Variants in CYB5B observed in about 807,000 individuals in gnomAD.
CYB5B encodes the protein cytochrome b5 type B, also known as cytochrome b5 type B (outer mitochondrial membrane).
CYB5B carries 14 observed loss-of-function variants against 21.3 expected under a neutral mutation model. The ratio of observed to expected loss-of-function variants is 0.66; its 90% CI spans 0.43 to 1.03. The LOEUF is 1.03. Ranked by LOEUF, CYB5B falls within the 50% of genes least tolerant of loss-of-function variation. The pLI is 0.00. For synonymous variants in CYB5B, 69 were observed against 68.4 expected (o/e 1.01, Z -0.04); for missense variants, 166 against 185.1 (o/e 0.90, Z 0.60).
chr16:69,425,485 T>A (rs1231085882), intron 1 of CYB5B, among the ~76,000 whole-genome samples: 1 of 151,158 alleles, frequency 6.6e-6, no homozygotes, highest in Non-Finnish European at 1.5e-5. Flanking sequence ...AATCTTCAAG[T>A]CTGTTGCATT....
At chr16:69,442,655 A>G (rs1421522383) in intron 1 of CYB5B, among the ~76,000 whole-genome samples, 1 of 151,702 alleles carries the variant, frequency 6.6e-6, no homozygotes, top group African/African-American at 2.4e-5. Context: ...AGCCAGGACT[A>G]CAGGCCACCA....
chr16:69,443,372 G>T, intron 1 of CYB5B: 1 of 172,268 alleles, frequency 5.8e-6, no homozygotes, highest in South Asian at 1.4e-4. Flanking sequence ...GGTTTCTGTG[G>T]GCATGGCCAT....
chr16:69,433,669 T>G (rs569249993), intron 1 of CYB5B, among the ~76,000 whole-genome samples: 103 of 152,300 alleles, frequency 6.8e-4, no homozygotes, highest in Non-Finnish European at 1.2e-3. Flanking sequence ...TGAAATCAAA[T>G]GTAGGGACAA....
intron 1 of CYB5B, among the ~76,000 whole-genome samples, chr16:69,435,862 C>T (rs191587177): frequency 0.013 from 1,937 of 152,242 alleles, 10 homozygotes; most frequent in Non-Finnish European, 0.019. Context: ...TGGTCTCAAA[C>T]TCCTGACCTC....
intron 1 of CYB5B, among the ~76,000 whole-genome samples, chr16:69,445,002 G>A (rs1173010435): frequency 6.6e-6 from 1 of 152,192 alleles, no homozygotes; most frequent in Non-Finnish European, 1.5e-5. Context: ...GAAAGTGAAA[G>A]TACTTGTAGA....
At chr16:69,444,059 T>G (rs1346257830) in intron 1 of CYB5B, 1 of 152,410 alleles carries the variant, frequency 6.6e-6, no homozygotes, top group African/African-American at 2.4e-5. Context: ...GGGTTGTTGA[T>G]GTAATATTCT....
At chr16:69,428,165 C>G (rs1597278468) in intron 1 of CYB5B, among the ~76,000 whole-genome samples, 1 of 152,060 alleles carries the variant, frequency 6.6e-6, no homozygotes, top group East Asian at 1.9e-4. Flanking sequence ...TTGTTCATTC[C>G]AAGCCTATTC....
chr16:69,436,649 G>A (rs773088938), intron 1 of CYB5B, among the ~76,000 whole-genome samples: 18 of 152,258 alleles, frequency 1.2e-4, no homozygotes, highest in Non-Finnish European at 2.1e-4. Flanking sequence ...GAGGTAATGT[G>A]TTTGGCTAGA....
intron 1 of CYB5B, among the ~76,000 whole-genome samples, chr16:69,429,466 T>C (rs1021581043): frequency 2.0e-5 from 3 of 152,176 alleles, no homozygotes; most frequent in Non-Finnish European, 4.4e-5. Context: ...TGGTGCATTT[T>C]TACAGCATAC....
In CYB5B at chr16:69,465,611, T is replaced by G. The variant is rs2015081707; in HGVS notation, c.*3091T>G. 1 of 152,240 alleles carries G rather than the reference T, an allele frequency of 6.6e-6. No homozygotes were observed. Among genetic ancestry groups the G allele is most frequent in the African/African-American group, 2.4e-5 (1 of 41,464 alleles). The allele number at this position is 152,240 out of a possible 1,614,324, so 9.4% of individuals were successfully genotyped here. On this transcript the variant is annotated 3_prime_UTR_variant, in exon 5 of 5. Coordinates refer to ENST00000307892, the MANE Select transcript of CYB5B (RefSeq NM_030579.3). ...ACTGTCGAGTTTATACTCATTTAGC[T>G]GCAATGTGGGACAATGAAAAATGCT...
intron 3 of CYB5B, 120 bp downstream of exon 3, chr16:69,448,264 A>G: frequency 8.2e-7 from 1 of 1,223,592 alleles, no homozygotes. Context: ...CCCAAGCAAA[A>G]ATCCTATTTT....
At chr16:69,453,224 T>C (rs936189991) in intron 3 of CYB5B, among the ~76,000 whole-genome samples, 3 of 152,146 alleles carry the variant, frequency 2.0e-5, no homozygotes, top group African/African-American at 7.2e-5. Context: ...GTCTATTAAT[T>C]GCATTTAAAG....
intron 3 of CYB5B, among the ~76,000 whole-genome samples, chr16:69,455,668 G>A (rs941849108): frequency 2.0e-5 from 3 of 151,904 alleles, no homozygotes; most frequent in African/African-American, 7.3e-5. Context: ...GGCCTCTCAT[G>A]TAATTCATGC....
At chr16:69,438,020 T>C (rs2014778602) in intron 1 of CYB5B, among the ~76,000 whole-genome samples, 1 of 152,214 alleles carries the variant, frequency 6.6e-6, no homozygotes, top group Non-Finnish European at 1.5e-5. Context: ...CTCCAGAATT[T>C]TTCATTACTC....
chr16:69,427,750 C>T (rs1406353142), intron 1 of CYB5B, among the ~76,000 whole-genome samples: 1 of 151,792 alleles, frequency 6.6e-6, no homozygotes, highest in Non-Finnish European at 1.5e-5. Flanking sequence ...AATCCCAGCA[C>T]TTTGCGAGGC....
At chr16:69,442,101 A>C (rs1366659153) in intron 1 of CYB5B, among the ~76,000 whole-genome samples, 1 of 151,412 alleles carries the variant, frequency 6.6e-6, no homozygotes, top group Non-Finnish European at 1.5e-5. Context: ...GAAAGTTATA[A>C]AAATACTAAC....
intron 1 of CYB5B, among the ~76,000 whole-genome samples, chr16:69,442,825 CT>C (rs11436895): frequency 0.27 from 36,469 of 135,940 alleles, 5,117 homozygotes; most frequent in African/African-American, 0.4. Context: ...CCTAGCTATC[CT>C]TTTTTTTTTT....
intron 1 of CYB5B, among the ~76,000 whole-genome samples, chr16:69,446,251 C>A (rs2014876985): frequency 6.6e-6 from 1 of 152,174 alleles, no homozygotes; most frequent in Admixed American, 6.5e-5. Context: ...TTTTTAATAA[C>A]TTGTGCAGGG....
chr16:69,446,694 T>C (rs925196382), intron 1 of CYB5B, among the ~76,000 whole-genome samples: 6 of 152,240 alleles, frequency 3.9e-5, no homozygotes, highest in African/African-American at 1.2e-4. Flanking sequence ...AAGAATTGCA[T>C]ATACCCTTTG....
Sources: gnomAD v4.1 joint callset for allele counts (sites outside exome capture counted in the v4.1 genomes callset) on GRCh38, gnomAD v4.1.1 for gene constraint, MANE v1.5 for transcripts, NCBI Gene and HGNC (gene_info 2026-07-23, HGNC 2026-07-21) for gene names.